Variants in PRKDC observed in about 807,000 individuals in gnomAD.
The protein encoded by PRKDC is DNA-dependent protein kinase catalytic subunit.
PRKDC carries 82 observed loss-of-function variants against 486.9 expected under a neutral mutation model. The observed-to-expected ratio is 0.17, with a 90% confidence interval of 0.14 to 0.20. The LOEUF is 0.20. Ranked by LOEUF, PRKDC falls within the 10% of genes least tolerant of loss-of-function variation. The pLI is 1.00. For missense variants in PRKDC, 4,504 were observed against 5,038.2 expected (o/e 0.89, Z 3.21); for synonymous variants, 1,895 against 1,837.0 (o/e 1.03, Z -0.81).
At chr8:47,804,686 T>C (rs1447521227) in intron 69 of PRKDC, among the ~76,000 whole-genome samples, 1 of 152,218 alleles carries the variant, frequency 6.6e-6, no homozygotes, top group Non-Finnish European at 1.5e-5. Flanking sequence ...TGAATTTCCA[T>C]GTGAGCTTAA....
At chr8:47,855,827 G>A (rs994067682) in intron 49 of PRKDC, among the ~76,000 whole-genome samples, 4 of 152,196 alleles carry the variant, frequency 2.6e-5, no homozygotes, top group Admixed American at 2.0e-4. Context: ...GCCCTTGTCT[G>A]TGCTAATCCA....
At chr8:47,919,665 G>T (rs1475345286) in intron 21 of PRKDC, among the ~76,000 whole-genome samples, 1 of 149,658 alleles carries the variant, frequency 6.7e-6, no homozygotes, top group African/African-American at 2.5e-5. Flanking sequence ...TCTATAAGAT[G>T]TTAAAGAGTT....
chr8:47,784,982 G>A lies in PRKDC; in HGVS notation c.11107+131C>T, dbSNP rs8178237. The A allele has an allele frequency of 7.3e-4, 664 of 909,360 alleles. 15 individuals are homozygous for A. In the East Asian group the frequency reaches 0.017, roughly 24 times the overall value. The allele number at this position is 909,360 out of a possible 1,614,324, so 56.3% of individuals were successfully genotyped here. ...TTTTCCTAATGATGAAAAATTCGGT[G>A]AATTTTAAAATTCTTTAAAAAAAGA... is the stretch of plus-strand genomic sequence containing the variant. On this transcript the variant is annotated intron_variant, in intron 77 of 85. Transcript: ENST00000314191.
At chr8:47,889,504 G>C (rs1195742342) in intron 32 of PRKDC, among the ~76,000 whole-genome samples, 1 of 152,250 alleles carries the variant, frequency 6.6e-6, no homozygotes, top group African/African-American at 2.4e-5. Flanking sequence ...AGCAGGTGAG[G>C]TTGTGTCCAT....
intron 70 of PRKDC, among the ~76,000 whole-genome samples, 188 bp from the exon 71 acceptor site, chr8:47,801,174 C>T (rs929491378): frequency 2.6e-5 from 4 of 152,262 alleles, no homozygotes; most frequent in Non-Finnish European, 5.9e-5. Context: ...CAGGCTCAAG[C>T]GATCCTCCCA....
chr8:47,820,535 G>T (rs756285019), intron 66 of PRKDC, among the ~76,000 whole-genome samples, 184 bp downstream of exon 66: 45 of 151,850 alleles, frequency 3.0e-4, no homozygotes, highest in Non-Finnish European at 4.9e-4. Context: ...CAGCATTATT[G>T]GAAGAACAGA....
chr8:47,943,719 C>G (rs1341317368), intron 9 of PRKDC, 134 bp downstream of exon 9: 2 of 831,948 alleles, frequency 2.4e-6, no homozygotes, highest in African/African-American at 3.5e-5. Context: ...CCGAAAGCCT[C>G]CCTGTAAATA....
Position 47,935,061 on chromosome 8 carries a change from GA to G in PRKDC, c.1448-4del. ...TATTCTGATTAAACCCTGATGCACT[GA>G]AAAAAGAAAAAGAAAACAAAAATGA... On this transcript the variant is annotated splice_polypyrimidine_tract_variant and splice_region_variant and intron_variant, in intron 13 of 85. Coordinates refer to ENST00000314191, the MANE Select transcript of PRKDC (RefSeq NM_006904.7). The G allele has an allele frequency of 6.8e-7, 1 of 1,471,766 alleles. No individual in the cohort carries two copies. The highest frequency in any genetic ancestry group is 9.1e-7 in the Non-Finnish European group (1 of 1,101,404). The allele number at this position is 1,471,766 out of a possible 1,614,324, so 91.2% of individuals were successfully genotyped here.
chr8:47,782,739 A>G lies in PRKDC; in HGVS notation c.11176-141T>C. On this transcript the variant is annotated intron_variant, in intron 78 of 85. Transcript: ENST00000314191. This position sits in a 1 kb window ranked among gnomAD's most constrained non-coding sequence, Gnocchi z 4.9. ...CAAAGAGCAGAGCGCCCAGGCCAGC[A>G]ACGAATTTCTGCTACCTGCTTGTGC... 1.2e-6 allele frequency: 1 copy of G among 838,038 alleles called. No individual in the cohort carries two copies. The highest frequency in any genetic ancestry group is 1.8e-6 in the Non-Finnish European group (1 of 549,608). 51.9% of individuals were successfully genotyped at this position (838,038 alleles called of 1,614,324 possible).
At chr8:47,941,781 T>TC (rs1214342631) in intron 10 of PRKDC, among the ~76,000 whole-genome samples, 7 of 152,254 alleles carry the variant, frequency 4.6e-5, no homozygotes, top group Non-Finnish European at 7.3e-5. Context: ...CTTGAACTTC[T>TC]CCCCTGACTA....
In PRKDC at chr8:47,849,599, A is replaced by C. The variant is rs529105787; in HGVS notation, c.7006-96T>G. 4.7e-4 allele frequency: 641 copies of C among 1,372,526 alleles called. 1 individual carries two copies. The highest frequency in any genetic ancestry group is 6.0e-4 in the Non-Finnish European group (607 of 1,014,768). 85.0% of individuals were successfully genotyped at this position (1,372,526 alleles called of 1,614,324 possible). On this transcript the variant is annotated intron_variant, in intron 52 of 85. Transcript: ENST00000314191. The stretch of plus-strand genomic sequence containing the variant: ...TCTTGAGTATTTAAGTGAGCCCAAC[A>C]AAGGTGCTCAATGTTGTCACCTACA...
chr8:47,859,585 T>C, intron 46 of PRKDC, 26 bp downstream of exon 46: 1 of 1,604,562 alleles, frequency 6.2e-7, no homozygotes, highest in East Asian at 2.2e-5. Flanking sequence ...TCGACAATAT[T>C]CTTTTAGTAT....
intron 25 of PRKDC, among the ~76,000 whole-genome samples, chr8:47,906,507 A>G (rs2089785007): frequency 6.6e-6 from 1 of 150,974 alleles, no homozygotes; most frequent in African/African-American, 2.4e-5. Flanking sequence ...GGTGGTGGTC[A>G]CCTGTAACCC....
Position 47,943,959 on chromosome 8 carries a change from T to C in PRKDC, c.777+15A>G, listed in dbSNP as rs1349595632. The C allele has an allele frequency of 6.4e-7, 1 of 1,556,078 alleles. No homozygotes were observed. The highest frequency in any genetic ancestry group is 8.7e-7 in the Non-Finnish European group (1 of 1,145,560). ...AAAGGCATTAGAATAATATTAATAG[T>C]AATATTAATCCTACCTGAGGACGAA... On this transcript the variant is annotated intron_variant, in intron 8 of 85. Coordinates refer to ENST00000314191, the MANE Select transcript of PRKDC (RefSeq NM_006904.7).
At position 47,794,493 on chromosome 8, in the gene PRKDC, G is replaced by C. The variant is rs760537334; in HGVS notation, c.10467C>G (p.Ser3489=). 6 of 1,607,370 alleles carry C rather than the reference G, an allele frequency of 3.7e-6. No individual in the cohort carries two copies. The change falls in exon 74 of 86, where the codon TCC becomes TCG. Residue 3489 remains serine (S), a synonymous_variant. Transcript: ENST00000314191. ...AGCTGATGAACTGCCAGCAGGGAAC[G>C]GAAGAGATCTAAAACAGAGAGCTGA... The part of the protein sequence containing the change: ...TLSLMTKEIS[S]VPCWQFISWI...
At chr8:47,928,259 C>A (rs1359629272) in intron 19 of PRKDC, among the ~76,000 whole-genome samples, 2 of 148,540 alleles carry the variant, frequency 1.3e-5, no homozygotes, top group African/African-American at 5.0e-5. Context: ...TCAAGCGATT[C>A]TCCTGCCTCG....
At chr8:47,886,668 A>G (rs2089339340) in intron 35 of PRKDC, among the ~76,000 whole-genome samples, 1 of 151,502 alleles carries the variant, frequency 6.6e-6, no homozygotes. Flanking sequence ...CTAGGATTAC[A>G]GGCAATAAGT....
intron 7 of PRKDC, among the ~76,000 whole-genome samples, chr8:47,953,292 G>A (rs116936345): frequency 3.4e-3 from 523 of 152,264 alleles, no homozygotes; most frequent in Non-Finnish European, 5.6e-3. Flanking sequence ...GAGCGACAGA[G>A]CAAGATTCTG....
rs56135402 is a variant in PRKDC at position 47,820,800 on chromosome 8, C to A, written c.9255G>T (p.Glu3085Asp). 1.6e-5 allele frequency: 26 copies of A among 1,613,090 alleles called. No individual in the cohort carries two copies. In the East Asian group the frequency reaches 4.9e-4, roughly 30 times the overall value. ...CTTGCAGGAGGTAAAGCAGACTCAG[C>A]TCTTGACTGTAATGAAGCTCTAGAA... ...KAILELHYSQELSLLYLLQDD... is the reference protein window; with the variant it reads ...KAILELHYSQDLSLLYLLQDD... The change falls in exon 66 of 86, where the codon GAG becomes GAT. Residue 3085 changes from glutamate (E) to aspartate (D), a missense_variant. Glu to Asp is a conservative substitution (Grantham distance 45, BLOSUM62 2). Coordinates refer to ENST00000314191, the MANE Select transcript of PRKDC (RefSeq NM_006904.7).
Sources: gnomAD v4.1 joint callset for allele counts (sites outside exome capture counted in the v4.1 genomes callset) on GRCh38, gnomAD v4.1.1 for gene constraint, Gnocchi (gnomAD v3.1) non-coding constraint, MANE v1.5 for transcripts, NCBI Gene and HGNC (gene_info 2026-07-23, HGNC 2026-07-21) for gene names.